The following ATAD3B variants were observed in gnomAD, a reference collection of about 807,000 sequenced individuals.
The protein encoded by ATAD3B is ATPase family AAA domain-containing protein 3B.
Under a neutral mutation model 70.2 loss-of-function variants are expected in ATAD3B, and 59 were observed. The observed-to-expected ratio is 0.84, with a 90% CI of 0.68 to 1.04. The LOEUF (loss-of-function observed/expected upper bound fraction) is 1.04. Ranked by LOEUF, ATAD3B falls within the 50% of genes least tolerant of loss-of-function variation. ATAD3B has a pLI of 0.00. For missense variants in ATAD3B, 961 were observed against 913.4 expected, an observed-to-expected ratio of 1.05 and a Z score of -0.67; for synonymous variants, 423 against 388.6, an observed-to-expected ratio of 1.09 and a Z score of -1.04.
At position 1,475,477 on chromosome 1, in the gene ATAD3B, G is replaced by A. The variant is rs1032085793; in HGVS notation, c.206-1797G>A. Among the ~76,000 whole-genome samples, 16 of 151,740 alleles carry A rather than the reference G, an allele frequency of 1.1e-4. 1 individual carries two copies. The highest frequency in any genetic ancestry group is 9.9e-4 in the Admixed American group (15 of 15,204). The stretch of plus-strand genomic sequence containing the variant: ...GCGGGGTCGCCGAGATTCGCCCGTT[G>A]CTTTGTCCTTGCTGCTCTCCAGGCA... On this transcript the variant is annotated intron_variant, in intron 1 of 15. Coordinates refer to ENST00000673477, the MANE Select transcript of ATAD3B (RefSeq NM_031921.6).
chr1:1,483,480 AAAAT>A (rs1449000344), intron 7 of ATAD3B: 1 of 198,726 alleles, frequency 5.0e-6, no homozygotes, highest in African/African-American at 2.4e-5. Flanking sequence ...AAAAACAAAC[AAAAT>A]AAATAAGCCA....
chr1:1,499,074 CCAT>C (rs1429594910), downstream of ATAD3B, among the ~76,000 whole-genome samples: 24 of 151,670 alleles, frequency 1.6e-4, no homozygotes, highest in Non-Finnish European at 2.8e-4. Context: ...CGGGTTCACG[CCAT>C]TCTCCTGCCT....
intron 7 of ATAD3B, 137 bp downstream of exon 7, chr1:1,482,751 C>T: frequency 2.1e-6 from 3 of 1,412,606 alleles, no homozygotes; most frequent in Non-Finnish European, 2.9e-6. Flanking sequence ...CCACGTTGTA[C>T]CTGCTGGGCT....
In ATAD3B at chr1:1,479,076, C is replaced by T. The variant is rs772988473; in HGVS notation, c.412C>T (p.Arg138Trp). 7.9e-5 allele frequency: 105 copies of T among 1,323,346 alleles called. 1 individual carries two copies. Among genetic ancestry groups the T allele is most frequent in the Middle Eastern group, 7.7e-4 (3 of 3,898 alleles). The allele number at this position is 1,323,346 out of a possible 1,614,324, so 82.0% of individuals were successfully genotyped here. A position where few individuals can be genotyped will look rare whatever the true frequency, so the allele number is the denominator to read the frequency against. Residue 138 changes from arginine (R) to tryptophan (W), a missense_variant, in exon 4 of 16, where the codon CGG becomes TGG. Physicochemically the swap from Arg to Trp is moderately radical, Grantham distance 101. Around this residue, in one of 4 missense-constraint regions of ATAD3B, gnomAD observed 187 missense variants for 244.3 expected, o/e 0.77. Transcript: ENST00000673477. ...GGCCCAGTATCAAGACAAGCTGGCCCGGCAGCGCTACGAGGACCAACTGAA... is the reference window on the plus strand; with the variant it reads ...GGCCCAGTATCAAGACAAGCTGGCCTGGCAGCGCTACGAGGACCAACTGAA... ...ARAQYQDKLA[R>W]QRYEDQLKQQ...
chr1:1,488,104 G>A (rs1557810897), intron 12 of ATAD3B, among the ~76,000 whole-genome samples, 190 bp downstream of exon 12: 1 of 151,902 alleles, frequency 6.6e-6, no homozygotes, highest in Non-Finnish European at 1.5e-5. Context: ...ACAGGTGTTT[G>A]CCACCACACC....
At position 1,493,072 on chromosome 1, in the gene ATAD3B, C is replaced by T. The variant is rs141766552; in HGVS notation, c.1614+2401C>T. Reference sequence around the variant, plus strand: ...GTTGCAGTGAGCTAAGATCACGCCACAGCACTCCAGTCTGGGCGACAGAGC... The same window carrying T: ...GTTGCAGTGAGCTAAGATCACGCCATAGCACTCCAGTCTGGGCGACAGAGC... On this transcript the variant is annotated intron_variant, in intron 15 of 15. Coordinates refer to ENST00000673477, the MANE Select transcript of ATAD3B (RefSeq NM_031921.6). Among the ~76,000 whole-genome samples, 136 of 152,112 alleles carry T rather than the reference C, an allele frequency of 8.9e-4. 1 individual carries two copies. Among genetic ancestry groups the T allele is most frequent in the African/African-American group, 3.0e-3 (124 of 41,534 alleles).
rs191128016 is a variant in ATAD3B, at chr1:1,474,482, G to A, written c.205+2393G>A. Reference sequence around the variant, plus strand: ...TGGGATTACAGACGTGAGCCACCGCGCCCGGCTTTGCTCCGTAATTTTTCT... The same window carrying A: ...TGGGATTACAGACGTGAGCCACCGCACCCGGCTTTGCTCCGTAATTTTTCT... On this transcript the variant is annotated intron_variant, in intron 1 of 15. Transcript: ENST00000673477. 1.6e-3 allele frequency among the ~76,000 whole-genome samples: 243 copies of A among 150,050 alleles called. 3 individuals carry two copies. Among genetic ancestry groups the A allele is most frequent in the South Asian group, 6.0e-3 (28 of 4,694 alleles).
At chr1:1,495,106 T>C (rs1406267437) in intron 15 of ATAD3B, among the ~76,000 whole-genome samples, 1 of 152,024 alleles carries the variant, frequency 6.6e-6, no homozygotes, top group Admixed American at 6.6e-5. Flanking sequence ...GGTCAGGGTC[T>C]GAGGGTCTGA....
At chr1:1,490,520 G>A (rs755317036) in intron 14 of ATAD3B, 43 bp from the exon 15 acceptor site, 5 of 1,610,640 alleles carry the variant, frequency 3.1e-6, no homozygotes, top group East Asian at 4.5e-5. Flanking sequence ...CATGGTGTGG[G>A]GTCCGCGGCC....
intron 14 of ATAD3B, 47 bp downstream of exon 14, chr1:1,490,471 A>G (rs1319543650): frequency 3.1e-6 from 5 of 1,611,516 alleles, no homozygotes; most frequent in Admixed American, 3.3e-5. Context: ...ACCATATGGC[A>G]TGGGTGTAGG....
chr1:1,504,717 C>T, the ATAD3B span, among the ~76,000 whole-genome samples: 373 of 151,886 alleles, frequency 2.5e-3, no homozygotes, highest in African/African-American at 8.2e-3. Flanking sequence ...ACCACTGGGG[C>T]GTGTGTGCCC....
chr1:1,490,627 G>T lies in ATAD3B; in HGVS notation c.1570G>T (p.Gly524Cys). The change falls in exon 15 of 16, where the codon GGC becomes TGC. Residue 524 changes from glycine to cysteine, a missense_variant. Physicochemically the swap from Gly to Cys is radical, Grantham distance 159. This residue lies in a region of ATAD3B where 417 missense variants were observed against 335.0 expected (regional missense o/e 1.24). Transcript: ENST00000673477. ...KCSEVARLTE[G>C]MSGREIAQLA... Reference sequence around the variant, plus strand: ...CTCGGAGGTCGCTCGGCTGACGGAGGGCATGTCGGGCCGGGAGATCGCTCA... The same window carrying T: ...CTCGGAGGTCGCTCGGCTGACGGAGTGCATGTCGGGCCGGGAGATCGCTCA... The T allele has an allele frequency of 6.2e-7, 1 of 1,607,076 alleles. No individual in the cohort carries two copies. Among genetic ancestry groups the T allele is most frequent in the East Asian group, 2.2e-5 (1 of 44,612 alleles).
At chr1:1,492,743 G>A (rs1350192774) in intron 15 of ATAD3B, among the ~76,000 whole-genome samples, 2 of 151,818 alleles carry the variant, frequency 1.3e-5, no homozygotes, top group Admixed American at 1.3e-4. Flanking sequence ...TTCAAGACCA[G>A]CCTGGACAAC....
the ATAD3B span, among the ~76,000 whole-genome samples, chr1:1,506,358 C>G: frequency 6.6e-6 from 1 of 151,828 alleles, no homozygotes; most frequent in Non-Finnish European, 1.5e-5. Context: ...GGGATTGCAT[C>G]CAGTCTCTAT....
chr1:1,498,474 A>G (rs548319090), downstream of ATAD3B, among the ~76,000 whole-genome samples: 109 of 151,922 alleles, frequency 7.2e-4, no homozygotes, highest in African/African-American at 1.5e-3. Context: ...ATAAATTAAA[A>G]AATAAAAATA....
rs1639942757 is a variant in ATAD3B at position 1,482,135 on chromosome 1, C to T, written c.515-3C>T. ...GCTGAGCTGCCCTGCCTCTCTGGGG[C>T]AGCCACCGTGGAGCGGGAGATGGAG... On this transcript the variant is annotated splice_polypyrimidine_tract_variant and splice_region_variant and intron_variant, in intron 5 of 15. Transcript: ENST00000673477. 2 of 1,606,538 alleles carry T rather than the reference C, an allele frequency of 1.2e-6. No individual in the cohort carries two copies. Among genetic ancestry groups the T allele is most frequent in the Non-Finnish European group, 1.7e-6 (2 of 1,177,800 alleles).
chr1:1,501,802 G>A (rs145228723), downstream of ATAD3B, among the ~76,000 whole-genome samples: 174 of 152,292 alleles, frequency 1.1e-3, 2 homozygotes, highest in African/African-American at 4.0e-3. Context: ...ACGGCAGTCC[G>A]TGGGTTACTA....
chr1:1,485,710 T>C (rs1640171062), intron 8 of ATAD3B, 72 bp from the exon 9 acceptor site: 3 of 1,597,102 alleles, frequency 1.9e-6, no homozygotes, highest in Non-Finnish European at 1.7e-6. Context: ...TTACCGAGCA[T>C]GTGTGTGCGT....
the ATAD3B span, among the ~76,000 whole-genome samples, chr1:1,505,968 C>T: frequency 6.6e-6 from 1 of 152,202 alleles, no homozygotes; most frequent in Non-Finnish European, 1.5e-5. Flanking sequence ...CACAGTGGCT[C>T]ATGGCTGTAA....
Sources: allele counts gnomAD v4.1 joint callset (sites outside exome capture counted in the v4.1 genomes callset), GRCh38; gene constraint gnomAD v4.1.1; regional missense constraint gnomAD v4.1.1; transcripts MANE v1.5; gene names NCBI Gene and HGNC (gene_info 2026-07-23, HGNC 2026-07-21).